Variants in NKAIN2 observed in about 807,000 individuals in gnomAD.
NKAIN2 encodes the protein sodium/potassium-transporting ATPase subunit beta-1-interacting protein 2.
NKAIN2 carries 14 observed loss-of-function variants against 32.6 expected under a neutral mutation model. The ratio of observed to expected loss-of-function variants is 0.43; its 90% CI spans 0.28 to 0.67. The LOEUF is 0.67. Among genes scored for constraint, NKAIN2 ranks in the 30% least tolerant of loss-of-function variants. The pLI is 0.17. For missense variants in NKAIN2, 198 were observed against 258.3 expected (o/e 0.77, Z 1.60); for synonymous variants, 80 against 87.2 (o/e 0.92, Z 0.46).
chr6:124,811,102 A>T (rs1780886753), intron 5 of NKAIN2, among the ~76,000 whole-genome samples: 1 of 152,076 alleles, frequency 6.6e-6, no homozygotes. Flanking sequence ...GGAGCTAAGT[A>T]CCCTTGGAAT....
rs376058700 is a variant in NKAIN2, at chr6:124,338,551, C to T, written c.193-16716C>T. ...TTGATTAGGTATATTTTTCTAGGCG[C>T]TTAACTCATTTTGACAATTTTTTCA... On this transcript the variant is annotated intron_variant, in intron 2 of 6. Transcript: ENST00000368417. Among the ~76,000 whole-genome samples, 7 of 152,160 alleles carry T rather than the reference C, an allele frequency of 4.6e-5. No individual in the cohort carries two copies. The East Asian group carries it at 1.2e-3, about 25-fold the overall frequency.
At chr6:124,711,487 G>C (rs1204062373) in intron 4 of NKAIN2, among the ~76,000 whole-genome samples, 1 of 150,992 alleles carries the variant, frequency 6.6e-6, no homozygotes. Flanking sequence ...TTTTCACATA[G>C]TCCCATATGT....
intron 1 of NKAIN2, among the ~76,000 whole-genome samples, chr6:124,201,528 C>T (rs1308456090): frequency 6.6e-6 from 1 of 151,912 alleles, no homozygotes; most frequent in East Asian, 1.9e-4. Flanking sequence ...TGTTAGCAAA[C>T]ATGGATGTAT....
At chr6:124,533,883 G>A (rs1204461011) in intron 3 of NKAIN2, among the ~76,000 whole-genome samples, 3 of 152,050 alleles carry the variant, frequency 2.0e-5, no homozygotes, top group Non-Finnish European at 4.4e-5. Flanking sequence ...TCTTCCCTCT[G>A]TGTCCTCACA....
chr6:124,249,846 C>G (rs145918525), intron 1 of NKAIN2, among the ~76,000 whole-genome samples: 2,883 of 152,040 alleles, frequency 0.019, 56 homozygotes, highest in South Asian at 0.051. Flanking sequence ...TATGAGATCT[C>G]AACAAAAAGC....
intron 1 of NKAIN2, among the ~76,000 whole-genome samples, chr6:123,891,434 A>G (rs1774014441): frequency 6.6e-6 from 1 of 152,202 alleles, no homozygotes; most frequent in Non-Finnish European, 1.5e-5. Context: ...ACAAGAATCA[A>G]TAAATTAGTG....
At chr6:124,195,697 T>G (rs896115748) in intron 1 of NKAIN2, among the ~76,000 whole-genome samples, 15 of 152,138 alleles carry the variant, frequency 9.9e-5, no homozygotes, top group Non-Finnish European at 2.2e-4. Context: ...AATGGAAAAG[T>G]AAATCATTCC....
At chr6:124,465,771 G>C (rs1047941301) in intron 3 of NKAIN2, among the ~76,000 whole-genome samples, 3 of 151,954 alleles carry the variant, frequency 2.0e-5, no homozygotes, top group African/African-American at 7.3e-5. Flanking sequence ...ATGGCATTAA[G>C]AGAGCATTTG....
At position 124,137,133 on chromosome 6, in the gene NKAIN2, T is replaced by C. The variant is rs116570095; in HGVS notation, c.55-145872T>C. The stretch of plus-strand genomic sequence containing the variant: ...CCTAAAGACTCATCCAAAAGGCTTC[T>C]AGATCTGATAAGTGAATTCAATAAA... On this transcript the variant is annotated intron_variant, in intron 1 of 6. Coordinates refer to ENST00000368417, the MANE Select transcript of NKAIN2 (RefSeq NM_001040214.3). Among the ~76,000 whole-genome samples the C allele has an allele frequency of 4.5e-3, 688 of 152,270 alleles. 5 individuals carry two copies. The highest frequency in any genetic ancestry group is 0.02 in the Middle Eastern group (6 of 294).
chr6:124,386,532 T>C (rs558585603), intron 3 of NKAIN2, among the ~76,000 whole-genome samples: 1 of 152,292 alleles, frequency 6.6e-6, no homozygotes, highest in African/African-American at 2.4e-5. Flanking sequence ...TTCATTCCAC[T>C]TGTTTATAAT....
intron 1 of NKAIN2, among the ~76,000 whole-genome samples, chr6:123,866,107 C>G (rs980082193): frequency 7.2e-5 from 11 of 152,144 alleles, no homozygotes; most frequent in African/African-American, 2.7e-4. Flanking sequence ...TGACTTTTCC[C>G]CATGGCAGTT....
At chr6:123,976,344 TTCCC>T (rs1380118152) in intron 1 of NKAIN2, among the ~76,000 whole-genome samples, 24 of 9,990 alleles carry the variant, frequency 2.4e-3, no homozygotes, top group African/African-American at 3.1e-3. Context: ...TATATATATG[TTCCC>T]ATATATATAT....
At chr6:124,641,207 G>A (rs982672514) in intron 3 of NKAIN2, among the ~76,000 whole-genome samples, 1 of 152,170 alleles carries the variant, frequency 6.6e-6, no homozygotes, top group Non-Finnish European at 1.5e-5. Flanking sequence ...TAATTCAAAC[G>A]AAGAGAGATA....
intron 1 of NKAIN2, among the ~76,000 whole-genome samples, chr6:123,890,678 A>G (rs755626852): frequency 1.7e-4 from 26 of 152,172 alleles, no homozygotes; most frequent in Non-Finnish European, 3.5e-4. Context: ...AAACCCAGAA[A>G]GTATCAAGTG....
At chr6:124,700,086 A>C (rs1190571204) in intron 4 of NKAIN2, among the ~76,000 whole-genome samples, 1 of 152,202 alleles carries the variant, frequency 6.6e-6, no homozygotes, top group East Asian at 1.9e-4. Context: ...AAGATGATTT[A>C]TCGATATATT....
chr6:123,974,635 T>TCA (rs1161156187), intron 1 of NKAIN2, among the ~76,000 whole-genome samples: 1 of 152,112 alleles, frequency 6.6e-6, no homozygotes, highest in African/African-American at 2.4e-5. Flanking sequence ...AGGTTGACCA[T>TCA]TGAATTGAAG....
intron 3 of NKAIN2, among the ~76,000 whole-genome samples, chr6:124,656,356 T>C (rs1784538221): frequency 6.6e-6 from 1 of 152,174 alleles, no homozygotes. Context: ...AACTTCTTCC[T>C]TCCTGTAGGG....
At chr6:124,174,048 T>G (rs1170447787) in intron 1 of NKAIN2, among the ~76,000 whole-genome samples, 1 of 152,156 alleles carries the variant, frequency 6.6e-6, no homozygotes, top group Non-Finnish European at 1.5e-5. Context: ...TATGTTGAAG[T>G]ATTCATTTCT....
intron 4 of NKAIN2, among the ~76,000 whole-genome samples, chr6:124,717,703 T>C (rs1775818741): frequency 6.6e-6 from 1 of 152,254 alleles, no homozygotes; most frequent in Middle Eastern, 3.4e-3. Flanking sequence ...AGTTCAGCCA[T>C]TGTATTAAAA....
Sources: allele counts gnomAD v4.1 joint callset (sites outside exome capture counted in the v4.1 genomes callset), GRCh38; gene constraint gnomAD v4.1.1; transcripts MANE v1.5; gene names NCBI Gene and HGNC (gene_info 2026-07-23, HGNC 2026-07-21).